Variants in NCAPD3 observed in about 807,000 individuals in gnomAD.
NCAPD3 encodes condensin-2 complex subunit D3.
A neutral mutation model predicts 182.9 loss-of-function variants in NCAPD3; 105 were observed. The observed-to-expected ratio is 0.57, with a 90% confidence interval of 0.49 to 0.68. NCAPD3 has a LOEUF of 0.68. Ranked by LOEUF, NCAPD3 falls within the 30% of genes least tolerant of loss-of-function variation. The pLI is 0.00. For synonymous variants in NCAPD3, 815 were observed against 679.9 expected, an observed-to-expected ratio of 1.20 and a Z score of -3.09; for missense variants, 1,944 against 1,837.0, an observed-to-expected ratio of 1.06 and a Z score of -1.07.
chr11:134,162,885 G>A (rs113842091), intron 27 of NCAPD3, among the ~76,000 whole-genome samples: 5,478 of 152,232 alleles, frequency 0.036, 341 homozygotes, highest in African/African-American at 0.12. Flanking sequence ...GTGGCAGGGT[G>A]TTAGGGAATT....
rs1001738685 is a variant in NCAPD3, at chr11:134,213,564, C to T, written c.383-3110G>A. Among the ~76,000 whole-genome samples, 12 of 151,468 alleles carry T rather than the reference C, an allele frequency of 7.9e-5. 1 individual carries two copies. The highest frequency in any genetic ancestry group is 6.3e-4 in the South Asian group (3 of 4,796). Reference sequence around the variant, plus strand: ...AATGCCTGACTTCAAGTGATCCGCCCGCCTCAGCCTCCCAAAGTGCTGGGA... The same window carrying T: ...AATGCCTGACTTCAAGTGATCCGCCTGCCTCAGCCTCCCAAAGTGCTGGGA... On this transcript the variant is annotated intron_variant, in intron 3 of 34. Transcript: ENST00000534548.
chr11:134,192,521 T>C (rs1386169727), intron 16 of NCAPD3, among the ~76,000 whole-genome samples, 168 bp downstream of exon 16: 2 of 152,178 alleles, frequency 1.3e-5, no homozygotes, highest in Admixed American at 1.3e-4. Flanking sequence ...GCGATAAAAA[T>C]ATCTAAGAGA....
chr11:134,182,920 C>G (rs1321060623), intron 19 of NCAPD3: 2 of 307,372 alleles, frequency 6.5e-6, no homozygotes, highest in Non-Finnish European at 1.3e-5. Flanking sequence ...CTCTGTCAAC[C>G]ACCAAGTGAG....
At chr11:134,207,742 CAAAAAAAAAAA>C (rs34965902) in intron 7 of NCAPD3, among the ~76,000 whole-genome samples, 6 of 62,102 alleles carry the variant, frequency 9.7e-5, no homozygotes, top group Non-Finnish European at 1.6e-4. Context: ...GACTGCGTCT[CAAAAAAAAAAA>C]AAAAAAAAAA....
At chr11:134,176,639 G>A (rs538814006) in intron 23 of NCAPD3, among the ~76,000 whole-genome samples, 5 of 152,232 alleles carry the variant, frequency 3.3e-5, no homozygotes, top group South Asian at 4.1e-4. Context: ...TTTATAATAC[G>A]GTTCGTAATA....
upstream of NCAPD3, chr11:134,225,365 C>T (rs770460078): frequency 1.4e-5 from 23 of 1,612,184 alleles, no homozygotes; most frequent in Non-Finnish European, 2.0e-5. Flanking sequence ...CCCCCGGGAC[C>T]CCCTCCCCCA....
intron 7 of NCAPD3, among the ~76,000 whole-genome samples, chr11:134,207,224 G>C (rs1398428215): frequency 6.6e-6 from 1 of 151,954 alleles, no homozygotes; most frequent in African/African-American, 2.4e-5. Flanking sequence ...TAAGTGGTAG[G>C]TATTGCATTA....
chr11:134,174,852 T>A (rs992005794), intron 24 of NCAPD3, among the ~76,000 whole-genome samples: 1 of 152,182 alleles, frequency 6.6e-6, no homozygotes, highest in Non-Finnish European at 1.5e-5. Context: ...CCCATAAATA[T>A]GTATAATTAT....
chr11:134,199,732 G>A (rs1196808807), intron 13 of NCAPD3, among the ~76,000 whole-genome samples: 2 of 152,142 alleles, frequency 1.3e-5, no homozygotes, highest in Non-Finnish European at 2.9e-5. Flanking sequence ...CGCATAACAC[G>A]CACTAGACAT....
intron 27 of NCAPD3, among the ~76,000 whole-genome samples, chr11:134,166,752 C>A (rs1389445804): frequency 3.5e-5 from 4 of 114,082 alleles, no homozygotes; most frequent in East Asian, 2.9e-4. Flanking sequence ...TTGGGGGAGG[C>A]GCACACTCGT....
At chr11:134,188,510 C>T (rs187395231) in intron 16 of NCAPD3, among the ~76,000 whole-genome samples, 128 of 152,370 alleles carry the variant, frequency 8.4e-4, no homozygotes, top group African/African-American at 3.1e-3. Flanking sequence ...TGGGTCCACA[C>T]TGCCTTTATG....
intron 13 of NCAPD3, among the ~76,000 whole-genome samples, chr11:134,195,794 T>A (rs1175936960): frequency 6.6e-6 from 1 of 152,176 alleles, no homozygotes; most frequent in East Asian, 1.9e-4. Context: ...TTATCTCTCA[T>A]CTGGCTTATA....
chr11:134,210,606 G>C, intron 3 of NCAPD3, 152 bp from the exon 4 acceptor site: 1 of 691,454 alleles, frequency 1.4e-6, no homozygotes, highest in Non-Finnish European at 2.4e-6. Context: ...TGCAACGTCA[G>C]CCTTAGTAGA....
At chr11:134,154,391 G>C (rs912563255) in intron 32 of NCAPD3, among the ~76,000 whole-genome samples, 2 of 151,978 alleles carry the variant, frequency 1.3e-5, no homozygotes, top group African/African-American at 4.8e-5. Flanking sequence ...TCACCTGTTA[G>C]GCTCAGGTGC....
At chr11:134,177,130 A>G in intron 23 of NCAPD3, 89 bp downstream of exon 23, 1 of 1,042,690 alleles carries the variant, frequency 9.6e-7, no homozygotes, top group Admixed American at 1.8e-5. Flanking sequence ...TCTACTACAA[A>G]GCAAGCACAT....
At chr11:134,158,853 A>C (rs1341920957) in intron 29 of NCAPD3, among the ~76,000 whole-genome samples, 2 of 151,886 alleles carry the variant, frequency 1.3e-5, no homozygotes, top group Non-Finnish European at 2.9e-5. Flanking sequence ...TCTGGTAATC[A>C]CCAAAAATCC....
At position 134,164,913 on chromosome 11, in the gene NCAPD3, C is replaced by G. The variant is rs140283393; in HGVS notation, c.3574-3022G>C. Among the ~76,000 whole-genome samples the G allele has an allele frequency of 4.2e-3, 630 of 151,432 alleles. 4 individuals carry two copies. The highest frequency in any genetic ancestry group is 0.015 in the African/African-American group (603 of 41,242). On this transcript the variant is annotated intron_variant, in intron 27 of 34. Transcript: ENST00000534548. ...ATGAGCTTAGGGGGAGCTGCACACT[C>G]ACTTGTGAGATGAGCTTAGGGGGAG...
Position 134,204,022 on chromosome 11 carries a change from G to C in NCAPD3, c.1215+24C>G. 6.2e-7 allele frequency: 1 copy of C among 1,612,042 alleles called. No individual in the cohort carries two copies. On this transcript the variant is annotated intron_variant, in intron 10 of 34. Transcript: ENST00000534548. This position sits in a 1 kb window ranked among gnomAD's most constrained non-coding sequence, Gnocchi z 4.3. ...AAAAAGAGTTTAAAAAGGACCCAAG[G>C]TTTTATGCAGAGCTATCTCCTACCT...
intron 3 of NCAPD3, among the ~76,000 whole-genome samples, chr11:134,215,775 A>G (rs1008934645): frequency 6.6e-6 from 1 of 152,188 alleles, no homozygotes; most frequent in African/African-American, 2.4e-5. Context: ...TGGCTTTTTT[A>G]TTGTTGCAGA....
Sources: gnomAD v4.1 joint callset for allele counts (sites outside exome capture counted in the v4.1 genomes callset) on GRCh38, gnomAD v4.1.1 for gene constraint, Gnocchi (gnomAD v3.1) non-coding constraint, MANE v1.5 for transcripts, NCBI Gene and HGNC (gene_info 2026-07-23, HGNC 2026-07-21) for gene names.